The following PDE1B variants were observed in gnomAD, a reference collection of about 807,000 sequenced individuals.
PDE1B encodes the protein dual specificity calcium/calmodulin-dependent 3',5'-cyclic nucleotide phosphodiesterase 1B.
In PDE1B, 13 loss-of-function variants were observed where a neutral mutation model predicts 66.7. The observed-to-expected ratio is 0.19, with a 90% CI of 0.13 to 0.31. The LOEUF (loss-of-function observed/expected upper bound fraction) is 0.31. Among genes scored for constraint, PDE1B ranks in the 10% least tolerant of loss-of-function variants. The pLI, the probability that PDE1B is intolerant of heterozygous loss-of-function variation, is 1.00. For missense variants in PDE1B, 485 were observed against 682.3 expected (o/e 0.71, Z 3.22); for synonymous variants, 230 against 253.9 (o/e 0.91, Z 0.90).
intron 2 of PDE1B, among the ~76,000 whole-genome samples, chr12:54,557,372 T>C (rs1285899388): frequency 6.6e-6 from 1 of 152,150 alleles, no homozygotes; most frequent in Non-Finnish European, 1.5e-5. Flanking sequence ...CTTTCTCTGA[T>C]AAAGAAAAAA....
intron 2 of PDE1B, among the ~76,000 whole-genome samples, chr12:54,563,368 T>C (rs1427522499): frequency 6.6e-6 from 1 of 152,268 alleles, no homozygotes; most frequent in Non-Finnish European, 1.5e-5. Flanking sequence ...GTTGTAGGCC[T>C]TGACAACCTG....
chr12:54,557,273 T>C (rs757530195), intron 2 of PDE1B, among the ~76,000 whole-genome samples: 200 of 152,338 alleles, frequency 1.3e-3, no homozygotes, highest in Middle Eastern at 3.4e-3. Context: ...CAAGAAAATT[T>C]GCTGTTGTTT....
In PDE1B at chr12:54,569,392, C is replaced by T. The variant is rs780236545; in HGVS notation, c.410+26C>T. 6.3e-7 allele frequency: 1 copy of T among 1,593,540 alleles called. No homozygotes were observed. Among genetic ancestry groups the T allele is most frequent in the Non-Finnish European group, 8.6e-7 (1 of 1,167,270 alleles). On this transcript the variant is annotated intron_variant, in intron 4 of 15. Transcript: ENST00000243052. The surrounding 1 kb of genome is among the most constrained non-coding windows in gnomAD (Gnocchi z 4.4). ...GTGAGGCTCGCCCACACTCAGCCTCCCTCTGCCTTTAGCTGTGCCCCTCTT... is the reference window on the plus strand; with the variant it reads ...GTGAGGCTCGCCCACACTCAGCCTCTCTCTGCCTTTAGCTGTGCCCCTCTT...
intron 10 of PDE1B, 105 bp from the exon 11 acceptor site, chr12:54,574,993 A>T: frequency 5.2e-5 from 45 of 870,970 alleles, no homozygotes; most frequent in Non-Finnish European, 6.2e-5. Flanking sequence ...AAAAAAAAAA[A>T]GGAAGAAGTT....
At chr12:54,577,181 A>G (rs1186475300) in intron 14 of PDE1B, 44 bp from the exon 15 acceptor site, 5 of 1,511,824 alleles carry the variant, frequency 3.3e-6, no homozygotes, top group Non-Finnish European at 1.8e-6. Context: ...CTGGGGAAGA[A>G]TACTTCTTGG....
intron 2 of PDE1B, among the ~76,000 whole-genome samples, chr12:54,565,941 G>A (rs1592375650): frequency 6.6e-6 from 1 of 152,154 alleles, no homozygotes; most frequent in East Asian, 1.9e-4. Flanking sequence ...GGTTTTTGAA[G>A]CCCCTCTCAG....
chr12:54,574,627 G>A (rs1957695808), intron 10 of PDE1B: 1 of 155,526 alleles, frequency 6.4e-6, no homozygotes, highest in African/African-American at 2.4e-5. Context: ...ACATATATAA[G>A]TGTGTGTGTG....
chr12:54,555,766 C>T lies in PDE1B; in HGVS notation c.113+5781C>T, dbSNP rs142483515. ...TCTTCTTTGATTCTTCCATCTTCTC[C>T]TTTGCCTCATCTTTCTCTGGGTTCT... is the stretch of plus-strand genomic sequence containing the variant. On this transcript the variant is annotated intron_variant, in intron 2 of 15. Transcript: ENST00000243052. 6.5e-3 allele frequency among the ~76,000 whole-genome samples: 985 copies of T among 152,270 alleles called. 2 individuals are homozygous for T. The highest frequency in any genetic ancestry group is 9.3e-3 in the Non-Finnish European group (631 of 68,020).
rs370568410 is a variant in PDE1B, at chr12:54,573,349, T to G, written c.837-6T>G. ...GGGGTGGTCATGATGACCTTTGGCT[T>G]TGTAGGTCAGAATGTGCCATCGTGT... On this transcript the variant is annotated splice_polypyrimidine_tract_variant and splice_region_variant and intron_variant, in intron 8 of 15. Transcript: ENST00000243052. The surrounding 1 kb of genome is among the most constrained non-coding windows in gnomAD (Gnocchi z 5.2). The G allele has an allele frequency of 2.5e-6, 4 of 1,613,972 alleles. No individual in the cohort carries two copies. In the African/African-American group the frequency reaches 4.0e-5, roughly 16 times the overall value.
chr12:54,567,098 C>G lies in PDE1B; in HGVS notation c.227+11C>G. On this transcript the variant is annotated intron_variant, in intron 3 of 15. Transcript: ENST00000243052. ...CATAGATGAGACACGGTGAGAGAGA[C>G]CGACAGACAGAGAAGGAGAAAGATG... 1 of 1,364,656 alleles carries G rather than the reference C, an allele frequency of 7.3e-7. No individual in the cohort carries two copies. Among genetic ancestry groups the G allele is most frequent in the Non-Finnish European group, 1.0e-6 (1 of 959,794 alleles). The allele number at this position is 1,364,656 out of a possible 1,614,324, so 84.5% of individuals were successfully genotyped here.
At chr12:54,568,345 C>T (rs1475058441) in intron 3 of PDE1B, among the ~76,000 whole-genome samples, 9 of 151,658 alleles carry the variant, frequency 5.9e-5, no homozygotes, top group Non-Finnish European at 1.2e-4. Context: ...ATCTGTAGTC[C>T]CAGCTACTTG....
intron 2 of PDE1B, among the ~76,000 whole-genome samples, chr12:54,561,289 T>G (rs1478510112): frequency 6.6e-6 from 1 of 152,208 alleles, no homozygotes; most frequent in Non-Finnish European, 1.5e-5. Flanking sequence ...CTGTGCTATT[T>G]CTGTCCTTTC....
rs1957257112 is a variant in PDE1B, at chr12:54,550,260, G to A, written c.113+275G>A. The A allele has an allele frequency of 3.0e-6, 4 of 1,327,578 alleles. No individual in the cohort carries two copies. The East Asian group carries it at 1.2e-4, about 41-fold the overall frequency. 82.2% of individuals were successfully genotyped at this position (1,327,578 alleles called of 1,614,324 possible). A position where few individuals can be genotyped will look rare whatever the true frequency, so the allele number is the denominator to read the frequency against. ...AGGCTGACACACGCAGCGCCTAGAG[G>A]CAGCACAGTATATGCAGTGTGGCAG... On this transcript the variant is annotated intron_variant, in intron 2 of 15. Coordinates refer to ENST00000243052, the MANE Select transcript of PDE1B (RefSeq NM_000924.4).
In PDE1B at chr12:54,576,045, G is replaced by C. The variant is rs1258603465; in HGVS notation, c.1321G>C (p.Glu441Gln). ...PTFSVLTDVA[E>Q]KSVQPLADED... ...ATTCTCTGTGCTGACTGACGTGGCA[G>C]AGAAGAGTGTTCAGCCCCTGGCGGA... Residue 441 changes from glutamate (E) to glutamine (Q), a missense_variant, in exon 13 of 16, where the codon GAG becomes CAG. Glu to Gln is a conservative substitution (Grantham distance 29, BLOSUM62 2). Transcript: ENST00000243052. 1 of 1,614,168 alleles carries C rather than the reference G, an allele frequency of 6.2e-7. No individual in the cohort carries two copies. The highest frequency in any genetic ancestry group is 1.7e-5 in the Admixed American group (1 of 60,036).
chr12:54,562,191 AC>A (rs1165778855), intron 2 of PDE1B, among the ~76,000 whole-genome samples: 19 of 152,016 alleles, frequency 1.2e-4, no homozygotes, highest in Admixed American at 7.2e-4. Context: ...GAGGCAGGGG[AC>A]TTTGGAAATC....
rs754675566 is a variant in PDE1B, at chr12:54,576,038, C to G, written c.1314C>G (p.Asp438Glu). ...AGCCCACATTCTCTGTGCTGACTGA[C>G]GTGGCAGAGAAGAGTGTTCAGCCCC... Reference protein sequence around the residue: ...IVEPTFSVLTDVAEKSVQPLA... With the variant: ...IVEPTFSVLTEVAEKSVQPLA... Residue 438 changes from aspartate (D) to glutamate (E), a missense_variant, in exon 13 of 16, where the codon GAC (aspartate) becomes GAG (glutamate). Coordinates refer to ENST00000243052, the MANE Select transcript of PDE1B (RefSeq NM_000924.4). 2.5e-6 allele frequency: 4 copies of G among 1,613,940 alleles called. No individual in the cohort carries two copies. Among genetic ancestry groups the G allele is most frequent in the African/African-American group, 2.7e-5 (2 of 74,944 alleles).
chr12:54,575,462 C>A lies in PDE1B; in HGVS notation c.1186-89C>A. On this transcript the variant is annotated intron_variant, in intron 11 of 15. Transcript: ENST00000243052. The surrounding 1 kb of genome is among the most constrained non-coding windows in gnomAD (Gnocchi z 4.0). ...CAGTGCAGAAATTTCACACAACAAC[C>A]CCCCACCCCCACCACTTGCCACCTG... 1 of 919,382 alleles carries A rather than the reference C, an allele frequency of 1.1e-6. No homozygotes were observed. The highest frequency in any genetic ancestry group is 1.3e-5 in the South Asian group (1 of 76,244). The allele number at this position is 919,382 out of a possible 1,614,324, so 57.0% of individuals were successfully genotyped here. A position where few individuals can be genotyped will look rare whatever the true frequency, so the allele number is the denominator to read the frequency against.
chr12:54,552,666 T>G (rs922721525), intron 2 of PDE1B, among the ~76,000 whole-genome samples: 11 of 152,222 alleles, frequency 7.2e-5, no homozygotes, highest in African/African-American at 2.7e-4. Flanking sequence ...GAATCTAATC[T>G]GTATCATATG....
intron 2 of PDE1B, among the ~76,000 whole-genome samples, chr12:54,562,403 A>AGTG (rs1229616379): frequency 6.6e-6 from 1 of 152,160 alleles, no homozygotes; most frequent in Non-Finnish European, 1.5e-5. Flanking sequence ...AGCAGAAAGA[A>AGTG]GTGGTGGTGG....
Sources: allele counts gnomAD v4.1 joint callset (sites outside exome capture counted in the v4.1 genomes callset), GRCh38; gene constraint gnomAD v4.1.1; non-coding constraint Gnocchi (gnomAD v3.1); transcripts MANE v1.5; gene names NCBI Gene and HGNC (gene_info 2026-07-23, HGNC 2026-07-21).